Variants in SRGAP1 observed in about 807,000 individuals in gnomAD.
SRGAP1 encodes the protein SLIT-ROBO Rho GTPase-activating protein 1.
Under a neutral mutation model 121.9 loss-of-function variants are expected in SRGAP1, and 43 were observed. That is an observed-to-expected ratio of 0.35 (90% CI 0.28 to 0.46). SRGAP1 has a LOEUF of 0.46. Ranked by LOEUF, SRGAP1 falls within the 20% of genes least tolerant of loss-of-function variation. SRGAP1 has a pLI of 1.00. For missense variants in SRGAP1, 1,102 were observed against 1,350.9 expected (o/e 0.82, Z 2.89); for synonymous variants, 447 against 485.4 (o/e 0.92, Z 1.04).
intron 15 of SRGAP1, among the ~76,000 whole-genome samples, chr12:64,098,092 C>T (rs1396538075): frequency 6.6e-6 from 1 of 152,136 alleles, no homozygotes. Context: ...GAGCTGACTT[C>T]AATCACTTAG....
chr12:64,080,424 T>C, intron 10 of SRGAP1, 54 bp downstream of exon 10: 14 of 1,273,592 alleles, frequency 1.1e-5, no homozygotes, highest in Non-Finnish European at 1.6e-5. Flanking sequence ...TCGTATCATG[T>C]ATATATTCCA....
chr12:63,849,347 T>A (rs1035229833), intron 1 of SRGAP1, among the ~76,000 whole-genome samples: 3 of 152,190 alleles, frequency 2.0e-5, no homozygotes, highest in African/African-American at 7.2e-5. Flanking sequence ...GCTACACATA[T>A]GGGAACAATA....
At chr12:63,916,838 A>C (rs1440585301) in intron 1 of SRGAP1, among the ~76,000 whole-genome samples, 2 of 152,032 alleles carry the variant, frequency 1.3e-5, no homozygotes, top group Non-Finnish European at 2.9e-5. Flanking sequence ...AAAATTAAGT[A>C]CTCTTCTGCT....
chr12:64,028,415 C>T (rs1049110835), intron 4 of SRGAP1, among the ~76,000 whole-genome samples: 1 of 152,362 alleles, frequency 6.6e-6, no homozygotes, highest in Middle Eastern at 3.4e-3. Context: ...CATCCCTCGG[C>T]TCCCCGGCCT....
At chr12:63,874,454 C>T (rs188023251) in intron 1 of SRGAP1, among the ~76,000 whole-genome samples, 82 of 152,202 alleles carry the variant, frequency 5.4e-4, no homozygotes, top group East Asian at 3.9e-3. Flanking sequence ...CCGCCTGCCT[C>T]GACCTCCCAA....
chr12:63,871,880 A>G, intron 1 of SRGAP1: 1 of 1,476,880 alleles, frequency 6.8e-7, no homozygotes, highest in Non-Finnish European at 9.5e-7. Context: ...TTGTGGTCTT[A>G]GCCTTCTTCC....
chr12:63,929,015 T>C (rs551724271), intron 1 of SRGAP1, among the ~76,000 whole-genome samples: 2 of 151,944 alleles, frequency 1.3e-5, no homozygotes, highest in East Asian at 3.9e-4. Flanking sequence ...CACCTTCTGC[T>C]CTGCGGCCTG....
intron 2 of SRGAP1, among the ~76,000 whole-genome samples, chr12:63,988,466 G>A (rs1472489647): frequency 1.3e-5 from 2 of 152,166 alleles, no homozygotes; most frequent in Non-Finnish European, 2.9e-5. Context: ...GTGTGCCAAT[G>A]GGAAGAATGG....
At chr12:63,931,114 A>G (rs1009450152) in intron 1 of SRGAP1, among the ~76,000 whole-genome samples, 2 of 152,218 alleles carry the variant, frequency 1.3e-5, no homozygotes, top group Admixed American at 6.5e-5. Context: ...TTCATCAATA[A>G]TGAAGTAATG....
intron 1 of SRGAP1, among the ~76,000 whole-genome samples, chr12:63,846,797 A>G (rs7953331): frequency 6.6e-6 from 1 of 152,284 alleles, no homozygotes; most frequent in African/African-American, 2.4e-5. Flanking sequence ...CACTACATCC[A>G]TACACAAACA....
intron 3 of SRGAP1, among the ~76,000 whole-genome samples, chr12:63,998,156 T>C (rs2033767232): frequency 6.6e-6 from 1 of 152,214 alleles, no homozygotes; most frequent in Non-Finnish European, 1.5e-5. Context: ...CCAGTGTAAG[T>C]TCCTACGGGA....
chr12:63,952,640 A>C (rs141946089), intron 1 of SRGAP1, among the ~76,000 whole-genome samples: 3 of 152,186 alleles, frequency 2.0e-5, no homozygotes, highest in African/African-American at 7.2e-5. Flanking sequence ...AGTTAGTCCC[A>C]GAATGATCAG....
At chr12:63,996,847 A>AT (rs2033726061) in intron 3 of SRGAP1, among the ~76,000 whole-genome samples, 1 of 151,986 alleles carries the variant, frequency 6.6e-6, no homozygotes, top group South Asian at 2.1e-4. Context: ...CTAACTTTTT[A>AT]TTTTTTAAGA....
chr12:64,027,559 A>G (rs2034680688), intron 4 of SRGAP1, among the ~76,000 whole-genome samples: 1 of 152,110 alleles, frequency 6.6e-6, no homozygotes, highest in African/African-American at 2.4e-5. Flanking sequence ...AAAAAGCACA[A>G]AGTACATTCA....
At chr12:64,057,720 C>T (rs776870481) in intron 6 of SRGAP1, among the ~76,000 whole-genome samples, 5 of 150,946 alleles carry the variant, frequency 3.3e-5, no homozygotes, top group Non-Finnish European at 7.4e-5. Flanking sequence ...GTCTCTCAAA[C>T]AGAGACCAGA....
rs2037198261 is a variant in SRGAP1 at position 64,160,026 on chromosome 12, C to G, written c.*17354C>G. The G allele has an allele frequency of 6.6e-6, 1 of 152,130 alleles. No homozygotes were observed. The highest frequency in any genetic ancestry group is 1.5e-5 in the Non-Finnish European group (1 of 68,034). The allele number at this position is 152,130 out of a possible 1,614,324, so 9.4% of individuals were successfully genotyped here. ...ACATAAATAGGTAAAAATTCCTTCT[C>G]AAAAATCTTTTACAGAAGTGTTCTC... On this transcript the variant is annotated 3_prime_UTR_variant, in exon 22 of 22. Coordinates refer to ENST00000355086, the MANE Select transcript of SRGAP1 (RefSeq NM_020762.4).
chr12:63,999,079 A>T (rs1430817940), intron 3 of SRGAP1, among the ~76,000 whole-genome samples: 5 of 152,120 alleles, frequency 3.3e-5, no homozygotes, highest in African/African-American at 7.2e-5. Context: ...CTGCAATTTG[A>T]ATCAGTTATT....
chr12:63,872,413 C>T (rs560606884), intron 1 of SRGAP1, among the ~76,000 whole-genome samples: 29 of 152,338 alleles, frequency 1.9e-4, no homozygotes, highest in African/African-American at 6.0e-4. Flanking sequence ...CGACCCCACA[C>T]TTGCCTGTGG....
chr12:64,073,327 A>G (rs936711622), intron 8 of SRGAP1, among the ~76,000 whole-genome samples: 6 of 152,204 alleles, frequency 3.9e-5, no homozygotes, highest in African/African-American at 1.4e-4. Flanking sequence ...TATGTATTCC[A>G]TGTGTGCATT....
Sources: allele counts gnomAD v4.1 joint callset (sites outside exome capture counted in the v4.1 genomes callset), GRCh38; gene constraint gnomAD v4.1.1; transcripts MANE v1.5; gene names NCBI Gene and HGNC (gene_info 2026-07-23, HGNC 2026-07-21).